Variants in LRRC37A2 observed in about 807,000 individuals in gnomAD.
LRRC37A2 encodes leucine-rich repeat-containing protein 37A2.
LRRC37A2 carries 9 observed loss-of-function variants against 68.8 expected under a neutral mutation model. That is an observed-to-expected ratio of 0.13 (90% CI 0.08 to 0.23). The LOEUF (loss-of-function observed/expected upper bound fraction) is 0.23. Among genes scored for constraint, LRRC37A2 ranks in the 10% least tolerant of loss-of-function variants. The probability of loss-of-function intolerance (pLI) is 1.00; values close to 1 mark genes in which losing one functional copy is unlikely to be tolerated. For synonymous variants in LRRC37A2, 63 were observed against 367.6 expected (o/e 0.17, Z 9.48); for missense variants, 168 against 950.4 (o/e 0.18, Z 10.82).
At chr17:46,737,052 T>C in the LRRC37A2 span, among the ~76,000 whole-genome samples, 1 of 152,260 alleles carries the variant, frequency 6.6e-6, no homozygotes, top group Non-Finnish European at 1.5e-5. Context: ...CATAGAAGTT[T>C]AAAACATTTC....
the LRRC37A2 span, among the ~76,000 whole-genome samples, chr17:46,760,540 T>C: frequency 4.5e-3 from 620 of 139,132 alleles, 4 homozygotes; most frequent in African/African-American, 0.016. Context: ...GAGCCTGAGG[T>C]AGGAGGTCAC....
chr17:46,931,857 C>T, the LRRC37A2 span: 3 of 604,238 alleles, frequency 5.0e-6, no homozygotes, highest in East Asian at 2.8e-5. Flanking sequence ...CTGCTGGAAT[C>T]TTGTGTGCTA....
the LRRC37A2 span, among the ~76,000 whole-genome samples, chr17:46,910,909 G>T: frequency 1.3e-5 from 2 of 152,186 alleles, no homozygotes; most frequent in Non-Finnish European, 2.9e-5. Context: ...GGTTGGTCTG[G>T]GGAAGGCACG....
chr17:46,795,275 G>A, the LRRC37A2 span, among the ~76,000 whole-genome samples: 11 of 152,082 alleles, frequency 7.2e-5, no homozygotes, highest in Non-Finnish European at 1.3e-4. Context: ...CCCCTCTACC[G>A]GCGCCCCATG....
the LRRC37A2 span, among the ~76,000 whole-genome samples, chr17:46,676,240 T>G: frequency 6.7e-6 from 1 of 149,484 alleles, no homozygotes; most frequent in Non-Finnish European, 1.5e-5. Flanking sequence ...CTTCTTTTTT[T>G]TTTTTTTTTG....
At chr17:46,989,878 A>G in the LRRC37A2 span, among the ~76,000 whole-genome samples, 4 of 152,210 alleles carry the variant, frequency 2.6e-5, no homozygotes, top group African/African-American at 9.7e-5. Flanking sequence ...TAGGGAAACT[A>G]TTTTGGGCAC....
chr17:46,748,933 G>A, the LRRC37A2 span, among the ~76,000 whole-genome samples: 1 of 152,134 alleles, frequency 6.6e-6, no homozygotes, highest in Non-Finnish European at 1.5e-5. Context: ...AATAAATACT[G>A]AATATAGATT....
the LRRC37A2 span, among the ~76,000 whole-genome samples, chr17:46,761,803 A>G: frequency 6.6e-6 from 1 of 152,278 alleles, no homozygotes; most frequent in African/African-American, 2.4e-5. Flanking sequence ...GTCTGTTGTC[A>G]TAAAACCAAC....
the LRRC37A2 span, among the ~76,000 whole-genome samples, chr17:46,903,277 G>C: frequency 1.2e-5 from 1 of 83,846 alleles, no homozygotes; most frequent in African/African-American, 5.2e-5. Context: ...GTGTGACTCT[G>C]TCTCAAAAAA....
the LRRC37A2 span, among the ~76,000 whole-genome samples, chr17:46,403,791 C>T: frequency 4.7e-5 from 4 of 84,822 alleles, no homozygotes; most frequent in East Asian, 2.7e-4. Flanking sequence ...CTCCGCCTCC[C>T]GGGCTCACGC....
the LRRC37A2 span, among the ~76,000 whole-genome samples, chr17:46,974,510 G>A: frequency 3.3e-5 from 5 of 152,290 alleles, no homozygotes; most frequent in African/African-American, 9.6e-5. Context: ...CGAGGCGGGT[G>A]GATCACAAGG....
At chr17:46,940,046 C>A in the LRRC37A2 span, 2 of 1,066,014 alleles carry the variant, frequency 1.9e-6, no homozygotes, top group Non-Finnish European at 2.3e-6. Flanking sequence ...CCTGCCCTAC[C>A]TGCTCTGTTA....
chr17:47,019,983 G>C, the LRRC37A2 span, among the ~76,000 whole-genome samples: 1 of 149,180 alleles, frequency 6.7e-6, no homozygotes. Context: ...CCCTTCTCCA[G>C]TCTTTTCCTT....
At chr17:46,715,894 C>T in the LRRC37A2 span, among the ~76,000 whole-genome samples, 2 of 152,140 alleles carry the variant, frequency 1.3e-5, no homozygotes, top group East Asian at 3.8e-4. Flanking sequence ...TGTTTTAATT[C>T]ATGATTCACT....
At chr17:46,896,452 A>AAGAAAGAAAAAG in the LRRC37A2 span, among the ~76,000 whole-genome samples, 3,295 of 65,204 alleles carry the variant, frequency 0.051, 156 homozygotes, top group East Asian at 0.1. Flanking sequence ...GAAAGAAAGA[A>AAGAAAGAAAAAG]AAAGAAAGAA....
the LRRC37A2 span, among the ~76,000 whole-genome samples, chr17:46,975,830 C>T: frequency 2.1e-4 from 32 of 152,166 alleles, no homozygotes; most frequent in Middle Eastern, 3.4e-3. Flanking sequence ...TCCTTTTCAG[C>T]AAATTCAGAA....
At chr17:46,708,730 G>A in the LRRC37A2 span, among the ~76,000 whole-genome samples, 1 of 148,378 alleles carries the variant, frequency 6.7e-6, no homozygotes, top group Non-Finnish European at 1.5e-5. Flanking sequence ...CTGACCTCAA[G>A]CGATCCACCT....
the LRRC37A2 span, among the ~76,000 whole-genome samples, chr17:46,708,630 T>G: frequency 6.7e-6 from 1 of 149,730 alleles, no homozygotes; most frequent in Non-Finnish European, 1.5e-5. Flanking sequence ...TAGCTGGGAT[T>G]GTAGGCACCC....
chr17:46,934,535 A>G, the LRRC37A2 span, among the ~76,000 whole-genome samples: 2 of 152,150 alleles, frequency 1.3e-5, no homozygotes, highest in African/African-American at 4.8e-5. Flanking sequence ...AAAAAAGAAA[A>G]TGCAGAAGCA....
Sources: gnomAD v4.1 joint callset for allele counts (sites outside exome capture counted in the v4.1 genomes callset) on GRCh38, gnomAD v4.1.1 for gene constraint, MANE v1.5 for transcripts, NCBI Gene and HGNC (gene_info 2026-07-23, HGNC 2026-07-21) for gene names.